Variants in GALNT13 observed in about 807,000 individuals in gnomAD.
GALNT13 encodes polypeptide N-acetylgalactosaminyltransferase 13, also known as UDP-GalNAc:polypeptide N-acetylgalactosaminyltransferase 13.
Under a neutral mutation model 64.2 loss-of-function variants are expected in GALNT13, and 28 were observed. The ratio of observed to expected loss-of-function variants is 0.44; its 90% CI spans 0.32 to 0.60. The LOEUF (loss-of-function observed/expected upper bound fraction) is 0.60. Among genes scored for constraint, GALNT13 ranks in the 20% least tolerant of loss-of-function variants. The probability of loss-of-function intolerance (pLI) is 0.05; values close to 1 mark genes in which losing one functional copy is unlikely to be tolerated. For synonymous variants in GALNT13, 214 were observed against 224.6 expected (o/e 0.95, Z 0.42); for missense variants, 577 against 669.8 (o/e 0.86, Z 1.53).
chr2:153,226,811 C>T, the GALNT13 span, among the ~76,000 whole-genome samples: 1 of 152,074 alleles, frequency 6.6e-6, no homozygotes, highest in Non-Finnish European at 1.5e-5. Flanking sequence ...TATGGACTTC[C>T]GTTAAACATA....
At chr2:153,977,868 C>G (rs1366381076) in intron 3 of GALNT13, among the ~76,000 whole-genome samples, 1 of 152,066 alleles carries the variant, frequency 6.6e-6, no homozygotes, top group Non-Finnish European at 1.5e-5. Context: ...CAAGACTATA[C>G]TCATATCCAC....
the GALNT13 span, among the ~76,000 whole-genome samples, chr2:153,594,474 C>T: frequency 6.6e-6 from 1 of 152,080 alleles, no homozygotes; most frequent in Non-Finnish European, 1.5e-5. Flanking sequence ...CATGATCTCC[C>T]TTTCACTTGC....
At chr2:153,713,500 T>TG in the GALNT13 span, among the ~76,000 whole-genome samples, 2 of 152,160 alleles carry the variant, frequency 1.3e-5, no homozygotes, top group African/African-American at 4.8e-5. Flanking sequence ...TGTCTTTTTT[T>TG]TGTGTGTTGG....
chr2:153,846,922 T>G, the GALNT13 span, among the ~76,000 whole-genome samples: 2 of 152,034 alleles, frequency 1.3e-5, no homozygotes, highest in Admixed American at 1.3e-4. Flanking sequence ...GTGTCCGAAT[T>G]AAAACATATT....
At chr2:153,692,986 A>C in the GALNT13 span, among the ~76,000 whole-genome samples, 1 of 152,186 alleles carries the variant, frequency 6.6e-6, no homozygotes, top group South Asian at 2.1e-4. Context: ...TTGTTCTCCC[A>C]ACATTAAAAA....
chr2:153,082,558 G>T, the GALNT13 span, among the ~76,000 whole-genome samples: 1 of 108,820 alleles, frequency 9.2e-6, no homozygotes, highest in African/African-American at 3.7e-5. Flanking sequence ...TTGATTGATG[G>T]GCATTTAGGC....
chr2:154,330,377 C>A (rs1191315638), intron 9 of GALNT13, among the ~76,000 whole-genome samples: 1 of 152,078 alleles, frequency 6.6e-6, no homozygotes, highest in African/African-American at 2.4e-5. Context: ...TCTTCCACAG[C>A]CAGGGAACGA....
chr2:153,954,145 G>A (rs2105409902), intron 3 of GALNT13, among the ~76,000 whole-genome samples: 1 of 151,998 alleles, frequency 6.6e-6, no homozygotes, highest in Middle Eastern at 3.4e-3. Flanking sequence ...TTTACATAAG[G>A]GAGAACTAAA....
chr2:153,871,791 G>C (rs1464372752), upstream of GALNT13: 1 of 152,028 alleles, frequency 6.6e-6, no homozygotes, highest in Admixed American at 6.6e-5. Flanking sequence ...GGGGGTGCTG[G>C]TTACGTAAAT....
At chr2:154,414,423 C>G (rs1413889225) in intron 11 of GALNT13, among the ~76,000 whole-genome samples, 1 of 151,920 alleles carries the variant, frequency 6.6e-6, no homozygotes, top group Non-Finnish European at 1.5e-5. Context: ...TGATTCCACA[C>G]CAGGTTTATA....
intron 3 of GALNT13, among the ~76,000 whole-genome samples, chr2:154,118,282 CTT>C (rs557217006): frequency 7.7e-6 from 1 of 130,590 alleles, no homozygotes; most frequent in Non-Finnish European, 1.6e-5. Flanking sequence ...CCCTCTTTGT[CTT>C]TTTTTTTTTT....
chr2:153,652,679 C>T, the GALNT13 span, among the ~76,000 whole-genome samples: 4 of 152,118 alleles, frequency 2.6e-5, no homozygotes, highest in African/African-American at 4.8e-5. Context: ...CCTCTGCACC[C>T]TTGCTGTTAG....
the GALNT13 span, among the ~76,000 whole-genome samples, chr2:153,098,139 A>G: frequency 2.6e-5 from 4 of 152,202 alleles, no homozygotes; most frequent in Non-Finnish European, 5.9e-5. Flanking sequence ...TGCAGTCTTT[A>G]GTTCTTCAGA....
the GALNT13 span, among the ~76,000 whole-genome samples, chr2:153,227,749 G>A: frequency 6.6e-6 from 1 of 152,104 alleles, no homozygotes; most frequent in East Asian, 1.9e-4. Context: ...AGATAGTCTT[G>A]GCTTTGTGAG....
At chr2:153,201,808 C>CA in the GALNT13 span, 1 of 152,084 alleles carries the variant, frequency 6.6e-6, no homozygotes, top group African/African-American at 2.4e-5. Flanking sequence ...CCTGTGATGT[C>CA]AATCATTTAC....
chr2:154,400,773 C>A (rs937678362), intron 10 of GALNT13, among the ~76,000 whole-genome samples: 1 of 152,064 alleles, frequency 6.6e-6, no homozygotes, highest in Non-Finnish European at 1.5e-5. Flanking sequence ...GGAAGTTGAG[C>A]TCTTTGCAGC....
In GALNT13 at chr2:154,379,588, A is replaced by G. The variant is rs548921456; in HGVS notation, c.1157-16403A>G. Among the ~76,000 whole-genome samples, 3 of 152,200 alleles carry G rather than the reference A, an allele frequency of 2.0e-5. No individual in the cohort carries two copies. In the East Asian group the frequency reaches 5.8e-4, roughly 29 times the overall value. The stretch of plus-strand genomic sequence containing the variant: ...AGTAAATTATCTAGAAACTACTTAA[A>G]ATGTAAAAACATACTGATGTTTTAA... On this transcript the variant is annotated intron_variant, in intron 9 of 12. Transcript: ENST00000392825.
intron 9 of GALNT13, among the ~76,000 whole-genome samples, chr2:154,332,693 G>T (rs921900099): frequency 1.3e-5 from 2 of 151,978 alleles, no homozygotes; most frequent in African/African-American, 4.8e-5. Context: ...TTACAAACTT[G>T]CCAGTAGCTG....
At chr2:153,827,339 G>A in the GALNT13 span, among the ~76,000 whole-genome samples, 1 of 152,088 alleles carries the variant, frequency 6.6e-6, no homozygotes, top group Non-Finnish European at 1.5e-5. Context: ...AGTTATGGGT[G>A]GAGGCTGGGC....
Sources: gnomAD v4.1 joint callset for allele counts (sites outside exome capture counted in the v4.1 genomes callset) on GRCh38, gnomAD v4.1.1 for gene constraint, MANE v1.5 for transcripts, NCBI Gene and HGNC (gene_info 2026-07-23, HGNC 2026-07-21) for gene names.